Variants in CFAP74 observed in about 807,000 individuals in gnomAD.
The protein encoded by CFAP74 is cilia and flagella associated protein 74.
CFAP74 carries 124 observed loss-of-function variants against 188.9 expected under a neutral mutation model. That is an observed-to-expected ratio of 0.66 (90% confidence interval 0.57 to 0.76). The LOEUF (loss-of-function observed/expected upper bound fraction) is 0.76. CFAP74 is among the 30% of genes least tolerant of loss of function. CFAP74 has a pLI of 0.00. For missense variants in CFAP74, 2,198 were observed against 2,165.2 expected, an observed-to-expected ratio of 1.02 and a Z score of -0.30; for synonymous variants, 956 against 916.7, an observed-to-expected ratio of 1.04 and a Z score of -0.77.
chr1:1,990,095 T>C (rs1254996462), intron 2 of CFAP74, among the ~76,000 whole-genome samples: 1 of 152,216 alleles, frequency 6.6e-6, no homozygotes, highest in East Asian at 1.9e-4. Context: ...GTTATTGCTA[T>C]TTTAAGTGGC....
In CFAP74 at chr1:1,935,064, C is replaced by T. The variant is rs1161292977; in HGVS notation, c.3011+3791G>A. ...GTGGGTGTTAGGCTGTGGGTACACA[C>T]GTGTGTACGTGGGTGTTAGGTTGTG... On this transcript the variant is annotated intron_variant, in intron 25 of 38. Transcript: ENST00000682832. Among the ~76,000 whole-genome samples the T allele has an allele frequency of 9.3e-5, 7 of 75,026 alleles. 2 individuals carry two copies. Among genetic ancestry groups the T allele is most frequent in the Admixed American group, 7.8e-4 (5 of 6,446 alleles). 49.2% of individuals were successfully genotyped at this position (75,026 alleles called of 152,430 possible). A position where few individuals can be genotyped will look rare whatever the true frequency, so the allele number is the denominator to read the frequency against.
intron 16 of CFAP74, among the ~76,000 whole-genome samples, chr1:1,958,713 C>T (rs571677871): frequency 5.9e-5 from 9 of 152,288 alleles, no homozygotes; most frequent in South Asian, 2.1e-4. Context: ...TGGGAGGATG[C>T]GGGGTCCGGG....
intron 18 of CFAP74, among the ~76,000 whole-genome samples, chr1:1,948,056 A>G (rs1373314468): frequency 6.6e-6 from 1 of 152,074 alleles, no homozygotes; most frequent in Non-Finnish European, 1.5e-5. Context: ...TATTTTTAGT[A>G]GAGACGGGGT....
chr1:1,980,843 C>T lies in CFAP74; in HGVS notation c.500+4543G>A, dbSNP rs377354290. Among the ~76,000 whole-genome samples the T allele has an allele frequency of 1.2e-4, 18 of 152,338 alleles. No individual in the cohort carries two copies. In the South Asian group the frequency reaches 1.9e-3, roughly 16 times the overall value. On this transcript the variant is annotated intron_variant, in intron 6 of 38. Transcript: ENST00000682832. ...TGCCCAGACCACGACCCTCAGAAACCGAGACCCTCAGAAACCGAGACCATC... is the reference window on the plus strand; with the variant it reads ...TGCCCAGACCACGACCCTCAGAAACTGAGACCCTCAGAAACCGAGACCATC...
chr1:1,994,119 T>G (rs1459042000), intron 1 of CFAP74, among the ~76,000 whole-genome samples: 2 of 150,436 alleles, frequency 1.3e-5, no homozygotes, highest in Admixed American at 6.6e-5. Context: ...GAGCTGTGAT[T>G]GTGCCACTGC....
intron 18 of CFAP74, chr1:1,955,420 C>T (rs3795290): frequency 0.26 from 372,662 of 1,458,476 alleles, 49,208 homozygotes; most frequent in Non-Finnish European, 0.27. Flanking sequence ...CCGCCCTGTG[C>T]GGCTCCGCCC....
In CFAP74 at chr1:1,968,930, C is replaced by T. The variant is rs1048846408; in HGVS notation, c.1047-97G>A. On this transcript the variant is annotated intron_variant, in intron 10 of 38. Transcript: ENST00000682832. The surrounding 1 kb of genome is among the most constrained non-coding windows in gnomAD (Gnocchi z 4.3). ...CCGGCGGCCCCTCCCTAGCGCCCTCCTGGGGGCTCCGGTCCTGCCCAGCAG... is the reference window on the plus strand; with the variant it reads ...CCGGCGGCCCCTCCCTAGCGCCCTCTTGGGGGCTCCGGTCCTGCCCAGCAG... The T allele has an allele frequency of 5.9e-6, 4 of 680,840 alleles. No homozygotes were observed. In the African/African-American group the frequency reaches 8.8e-5, roughly 15 times the overall value. The allele number at this position is 680,840 out of a possible 1,614,324, so 42.2% of individuals were successfully genotyped here. A position where few individuals can be genotyped will look rare whatever the true frequency, so the allele number is the denominator to read the frequency against.
intron 6 of CFAP74, among the ~76,000 whole-genome samples, chr1:1,980,829 C>T (rs189256533): frequency 1.3e-4 from 20 of 150,636 alleles, no homozygotes; most frequent in Admixed American, 1.0e-3. Flanking sequence ...GCCCAGACCA[C>T]GACCCTCAGA....
intron 1 of CFAP74, among the ~76,000 whole-genome samples, chr1:1,993,749 G>A (rs1279400885): frequency 5.3e-5 from 8 of 151,726 alleles, no homozygotes; most frequent in Admixed American, 2.6e-4. Context: ...TTGGGAGGCC[G>A]AGGCAGGTGG....
At chr1:1,953,601 A>C (rs1054361623) in intron 18 of CFAP74, 1 of 153,652 alleles carries the variant, frequency 6.5e-6, no homozygotes, top group Non-Finnish European at 1.5e-5. Context: ...CTGGATGGTC[A>C]ATTGATTTTT....
intron 3 of CFAP74, 102 bp downstream of exon 3, chr1:1,988,787 G>T: frequency 8.2e-7 from 1 of 1,223,302 alleles, no homozygotes; most frequent in Non-Finnish European, 1.1e-6. Flanking sequence ...ACAGCCTGTG[G>T]GAGGGAGGAA....
chr1:1,988,995 T>TAAAA (rs144487103), intron 2 of CFAP74, 22 bp from the exon 3 acceptor site: 1 of 915,876 alleles, frequency 1.1e-6, no homozygotes, highest in Non-Finnish European at 1.7e-6. Context: ...GGCAAGAGTT[T>TAAAA]AAAAAAAAAA....
intron 25 of CFAP74, among the ~76,000 whole-genome samples, chr1:1,934,568 T>G (rs1465203880): frequency 1.2e-4 from 18 of 151,342 alleles, no homozygotes; most frequent in Admixed American, 1.2e-3. Context: ...TACACACGTG[T>G]GTACGTGGGT....
chr1:1,987,566 A>G (rs1307621219), intron 4 of CFAP74, among the ~76,000 whole-genome samples: 1 of 150,820 alleles, frequency 6.6e-6, no homozygotes, highest in East Asian at 1.9e-4. Context: ...TTCCCGAGAC[A>G]GAGCCTCGCT....
intron 18 of CFAP74, among the ~76,000 whole-genome samples, chr1:1,948,093 G>C (rs182148090): frequency 1.3e-4 from 19 of 151,808 alleles, no homozygotes; most frequent in Non-Finnish European, 2.4e-4. Context: ...GACTGGTCTC[G>C]AACTCCTGAC....
At chr1:1,993,889 G>A (rs1269841148) in intron 1 of CFAP74, among the ~76,000 whole-genome samples, 2 of 151,114 alleles carry the variant, frequency 1.3e-5, no homozygotes, top group Non-Finnish European at 2.9e-5. Flanking sequence ...GGCTGAGGCA[G>A]GAGAATGGCG....
chr1:1,961,282 A>C (rs1263444045), intron 14 of CFAP74, among the ~76,000 whole-genome samples: 1 of 152,166 alleles, frequency 6.6e-6, no homozygotes. Flanking sequence ...CAAAGATCTG[A>C]ATCTTCAGAT....
intron 28 of CFAP74, 158 bp downstream of exon 28, chr1:1,927,449 G>T: frequency 1.4e-6 from 1 of 718,814 alleles, no homozygotes; most frequent in Non-Finnish European, 2.2e-6. Flanking sequence ...GTCCCAGGAA[G>T]GCAGCACCTG....
At chr1:1,924,572 C>A in intron 33 of CFAP74, 52 bp from the exon 34 acceptor site, 1 of 1,560,086 alleles carries the variant, frequency 6.4e-7, no homozygotes, top group Non-Finnish European at 8.7e-7. Context: ...CTGGCTGCCC[C>A]CTTCCTGTCG....
Sources: allele counts gnomAD v4.1 joint callset (sites outside exome capture counted in the v4.1 genomes callset), GRCh38; gene constraint gnomAD v4.1.1; non-coding constraint Gnocchi (gnomAD v3.1); transcripts MANE v1.5; gene names NCBI Gene and HGNC (gene_info 2026-07-23, HGNC 2026-07-21).